SLC12A2: variants seen among roughly 807,000 people sequenced by gnomAD.
SLC12A2 encodes Na-K-2Cl cotransporter 1.
Under a neutral mutation model 136.3 loss-of-function variants are expected in SLC12A2, and 67 were observed. The observed-to-expected ratio is 0.49, with a 90% CI of 0.40 to 0.60. The LOEUF (loss-of-function observed/expected upper bound fraction) is 0.60, where lower values mean the gene tolerates loss of function less well. Ranked by LOEUF, SLC12A2 falls within the 20% of genes least tolerant of loss-of-function variation. The pLI is 0.00. For synonymous variants in SLC12A2, 619 were observed against 562.9 expected (o/e 1.10, Z -1.41); for missense variants, 1,322 against 1,534.7 (o/e 0.86, Z 2.32).
intron 15 of SLC12A2, among the ~76,000 whole-genome samples, chr5:128,155,876 G>C (rs578230033): frequency 2.6e-4 from 40 of 152,156 alleles, no homozygotes; most frequent in African/African-American, 9.6e-4. Context: ...TCTGCTTGTA[G>C]GTAGAGAGTT....
At chr5:128,111,030 C>G in intron 1 of SLC12A2, 2 of 688,736 alleles carry the variant, frequency 2.9e-6, no homozygotes, top group South Asian at 3.0e-5. Context: ...AATAATGGTG[C>G]TCTGAAGACT....
At chr5:128,142,564 A>G (rs1581106507) in intron 10 of SLC12A2, among the ~76,000 whole-genome samples, 2 of 152,102 alleles carry the variant, frequency 1.3e-5, no homozygotes, top group South Asian at 2.1e-4. Context: ...GTGTTTTTAT[A>G]TATGTAATAT....
intron 14 of SLC12A2, 53 bp from the exon 15 acceptor site, chr5:128,152,653 T>C: frequency 9.1e-7 from 1 of 1,098,344 alleles, no homozygotes; most frequent in Non-Finnish European, 1.4e-6. Context: ...GATTGGCTAT[T>C]GATTGGTTGT....
chr5:128,182,792 A>G (rs948522102), intron 23 of SLC12A2, 63 bp from the exon 24 acceptor site: 5 of 1,132,416 alleles, frequency 4.4e-6, no homozygotes, highest in African/African-American at 1.6e-5. Flanking sequence ...TTTTAGATAT[A>G]TGGATTCAGC....
chr5:128,119,537 T>C (rs1008759943), intron 4 of SLC12A2, among the ~76,000 whole-genome samples: 5 of 152,218 alleles, frequency 3.3e-5, no homozygotes, highest in African/African-American at 9.6e-5. Context: ...CTTGTAGATA[T>C]GCAGCATTAT....
intron 1 of SLC12A2, among the ~76,000 whole-genome samples, chr5:128,107,031 A>G (rs1439986758): frequency 2.0e-5 from 3 of 152,052 alleles, no homozygotes; most frequent in Non-Finnish European, 4.4e-5. Context: ...TATGTATTCT[A>G]TGGTGAAAGA....
intron 1 of SLC12A2, among the ~76,000 whole-genome samples, chr5:128,111,826 GTATA>G (rs1406402350): frequency 2.4e-4 from 36 of 148,474 alleles, no homozygotes; most frequent in African/African-American, 8.4e-4. Flanking sequence ...GTGTGTGTGT[GTATA>G]TATATATATA....
At chr5:128,161,423 T>A (rs1763031446) in intron 16 of SLC12A2, among the ~76,000 whole-genome samples, 1 of 152,204 alleles carries the variant, frequency 6.6e-6, no homozygotes. Context: ...TTTGTAAGTC[T>A]GTGTTTCTTC....
chr5:128,151,264 TACA>T lies in SLC12A2; in HGVS notation c.2135_2137del (p.Asn712del), dbSNP rs1216107749. ...AGGATGGCGTCCTGCATTCAAATAC[TACA>T]ACATGTGGATATCACTTCTTGGAGC... On this transcript the variant is annotated inframe_deletion, in exon 14 of 27. Transcript: ENST00000262461. 1 of 1,606,162 alleles carries T rather than the reference TACA, an allele frequency of 6.2e-7. No individual in the cohort carries two copies. Among genetic ancestry groups the T allele is most frequent in the Non-Finnish European group, 8.5e-7 (1 of 1,177,764 alleles).
chr5:128,117,939 A>T (rs1193181608), intron 4 of SLC12A2, among the ~76,000 whole-genome samples: 1 of 152,224 alleles, frequency 6.6e-6, no homozygotes, highest in Non-Finnish European at 1.5e-5. Context: ...CAAGATGTAC[A>T]TATGGCCAAG....
intron 1 of SLC12A2, chr5:128,110,128 A>C (rs1379316539): frequency 2.2e-6 from 2 of 913,406 alleles, no homozygotes; most frequent in African/African-American, 1.5e-5. Flanking sequence ...ATTTTCATGG[A>C]TGTCATACTA....
chr5:128,177,156 G>T lies in SLC12A2; in HGVS notation c.2977+4G>T. 1 of 1,589,694 alleles carries T rather than the reference G, an allele frequency of 6.3e-7. No homozygotes were observed. Among genetic ancestry groups the T allele is most frequent in the Non-Finnish European group, 8.5e-7 (1 of 1,169,664 alleles). On this transcript the variant is annotated splice_donor_region_variant and intron_variant, in intron 21 of 26. Coordinates refer to ENST00000262461, the MANE Select transcript of SLC12A2 (RefSeq NM_001046.3). ...ACTCAACCACTGTTGAAAAAAGGCA[G>T]GCATTTTTCATCATTTTATTTTAAA...
intron 16 of SLC12A2, among the ~76,000 whole-genome samples, chr5:128,160,597 T>C (rs1383010460): frequency 6.6e-6 from 1 of 152,210 alleles, no homozygotes; most frequent in African/African-American, 2.4e-5. Flanking sequence ...AGAAAACTAT[T>C]AAAAATAATG....
At chr5:128,096,556 A>C (rs533420828) in intron 1 of SLC12A2, among the ~76,000 whole-genome samples, 2 of 152,222 alleles carry the variant, frequency 1.3e-5, no homozygotes, top group Admixed American at 1.3e-4. Context: ...GAATCTCATT[A>C]TTTTAGTTTA....
chr5:128,166,294 ACAGCAGTAAGACTTAATAGCATTGGAT>A (rs1763201845), intron 17 of SLC12A2, among the ~76,000 whole-genome samples: 2 of 152,192 alleles, frequency 1.3e-5, no homozygotes, highest in South Asian at 4.1e-4. Context: ...TTAGAAGAAA[ACAGCAGTAAGACTTAATAGCATTGGAT>A]TTGTTAGTGG....
In SLC12A2 at chr5:128,084,390, C is replaced by T. The variant is rs745879433; in HGVS notation, c.436C>T (p.Pro146Ser). 3 of 1,608,912 alleles carry T rather than the reference C, an allele frequency of 1.9e-6. No individual in the cohort carries two copies. Among genetic ancestry groups the T allele is most frequent in the South Asian group, 1.1e-5 (1 of 90,818 alleles). ...KGRFRVNFVD[P>S]AASSSAEDSL... ...CCGCTTCCGCGTGAACTTCGTGGACCCAGCTGCCTCCTCGTCGGCTGAAGA... is the reference window on the plus strand; with the variant it reads ...CCGCTTCCGCGTGAACTTCGTGGACTCAGCTGCCTCCTCGTCGGCTGAAGA... The change falls in exon 1 of 27, where the codon CCA becomes TCA. Residue 146 changes from proline (P) to serine (S), a missense_variant. Physicochemically the swap from Pro to Ser is moderately conservative, Grantham distance 74. Around this residue, in one of 8 missense-constraint regions of SLC12A2, gnomAD observed 358 missense variants for 299.7 expected, o/e 1.19. Transcript: ENST00000262461. The surrounding 1 kb of genome is among the most constrained non-coding windows in gnomAD (Gnocchi z 5.6).
rs1347787930 is a variant in SLC12A2, at chr5:128,184,406, C to T, written c.3340C>T (p.His1114Tyr). 1 of 1,595,368 alleles carries T rather than the reference C, an allele frequency of 6.3e-7. No individual in the cohort carries two copies. The highest frequency in any genetic ancestry group is 8.6e-7 in the Non-Finnish European group (1 of 1,168,312). ...FEEIIEPYRL[H>Y]EDDKEQDIAD... ...GGAAATCATTGAGCCATACAGACTT[C>T]ATGAAGATGATAAAGAGCAAGATAT... Residue 1114 changes from histidine to tyrosine, a missense_variant, in exon 25 of 27, where the codon CAT becomes TAT. His to Tyr is a moderately conservative substitution (Grantham distance 83). Coordinates refer to ENST00000262461, the MANE Select transcript of SLC12A2 (RefSeq NM_001046.3).
chr5:128,091,287 C>T (rs1343408998), intron 1 of SLC12A2, among the ~76,000 whole-genome samples: 1 of 152,036 alleles, frequency 6.6e-6, no homozygotes, highest in East Asian at 1.9e-4. Flanking sequence ...GTGAGAAGGG[C>T]AGGTTTGGGA....
At chr5:128,150,159 CTT>C (rs746168562) in intron 13 of SLC12A2, 61 bp downstream of exon 13, 1 of 1,084,298 alleles carries the variant, frequency 9.2e-7, no homozygotes, top group African/African-American at 1.6e-5. Flanking sequence ...GAAAATAAAA[CTT>C]TTGCCACATT....
Sources: allele counts gnomAD v4.1 joint callset (sites outside exome capture counted in the v4.1 genomes callset), GRCh38; gene constraint gnomAD v4.1.1; regional missense constraint gnomAD v4.1.1; non-coding constraint Gnocchi (gnomAD v3.1); transcripts MANE v1.5; gene names NCBI Gene and HGNC (gene_info 2026-07-23, HGNC 2026-07-21).